The following ZNF331 variants were observed in gnomAD, a reference collection of about 807,000 sequenced individuals.
The protein encoded by ZNF331 is zinc finger protein 331.
Under a neutral mutation model 7.0 loss-of-function variants are expected in ZNF331, and 2 were observed. That is an observed-to-expected ratio of 0.29 (90% CI 0.12 to 0.90). The LOEUF (loss-of-function observed/expected upper bound fraction) is 0.90. Ranked by LOEUF, ZNF331 falls within the 40% of genes least tolerant of loss-of-function variation. The probability of loss-of-function intolerance (pLI) is 0.58; values close to 1 mark genes in which losing one functional copy is unlikely to be tolerated. For synonymous variants in ZNF331, 196 were observed against 205.4 expected, an observed-to-expected ratio of 0.95 and a Z score of 0.39; for missense variants, 432 against 587.7, an observed-to-expected ratio of 0.74 and a Z score of 2.74.
rs370976576 is a variant in ZNF331 at position 53,552,862 on chromosome 19, C to A, written c.-137-2983C>A. On this transcript the variant is annotated intron_variant, in intron 2 of 5. Coordinates refer to ENST00000449416, the MANE Select transcript of ZNF331 (RefSeq NM_001079906.2). ...CATATTGCCGTATGTATTAGATATT[C>A]TGATATTTAATAGCTGAGACAGTCA... Among the ~76,000 whole-genome samples, 26 of 152,160 alleles carry A rather than the reference C, an allele frequency of 1.7e-4. 1 individual carries two copies. The South Asian group carries it at 5.2e-3, about 30-fold the overall frequency.
chr19:53,516,342 C>G (rs905472657), upstream of ZNF331, among the ~76,000 whole-genome samples: 1 of 151,298 alleles, frequency 6.6e-6, no homozygotes, highest in African/African-American at 2.4e-5. Flanking sequence ...CCCAGCTACT[C>G]AGGAGGCTGA....
chr19:53,509,912 C>T, the ZNF331 span, among the ~76,000 whole-genome samples: 1 of 152,118 alleles, frequency 6.6e-6, no homozygotes, highest in African/African-American at 2.4e-5. Flanking sequence ...TATGTCTTAC[C>T]ATTGTGAAAA....
chr19:53,519,474 G>A (rs1034652911), upstream of ZNF331, among the ~76,000 whole-genome samples: 4 of 152,170 alleles, frequency 2.6e-5, no homozygotes, highest in African/African-American at 9.7e-5. Context: ...GTCCTACTGG[G>A]CAAAGGCCCA....
chr19:53,572,044 C>G (rs113829560), intron 5 of ZNF331, among the ~76,000 whole-genome samples: 7 of 152,084 alleles, frequency 4.6e-5, no homozygotes, highest in African/African-American at 1.7e-4. Context: ...ATGTTTATAC[C>G]CAAATTGCTA....
In ZNF331 at chr19:53,573,204, G is replaced by A. The variant is rs1281308308; in HGVS notation, c.136+1474G>A. Reference sequence around the variant, plus strand: ...ACTGTGCTGCAGCCTGGGCAACAAAGCGAGACTCTGTCTCAAAAATAATAA... The same window carrying A: ...ACTGTGCTGCAGCCTGGGCAACAAAACGAGACTCTGTCTCAAAAATAATAA... On this transcript the variant is annotated intron_variant, in intron 5 of 5. Coordinates refer to ENST00000449416, the MANE Select transcript of ZNF331 (RefSeq NM_001079906.2). This position sits in a 1 kb window ranked among gnomAD's most constrained non-coding sequence, Gnocchi z 4.2. 2.6e-5 allele frequency among the ~76,000 whole-genome samples: 4 copies of A among 152,040 alleles called. No homozygotes were observed. Among genetic ancestry groups the A allele is most frequent in the Non-Finnish European group, 5.9e-5 (4 of 68,010 alleles).
At chr19:53,553,292 C>CAAAAATAAAAAAAAAAAAA (rs2089132333) in intron 2 of ZNF331, among the ~76,000 whole-genome samples, 1 of 98,362 alleles carries the variant, frequency 1.0e-5, no homozygotes. Flanking sequence ...AACTCCATCT[C>CAAAAATAAAAAAAAAAAAA]AAAAAAAAAA....
chr19:53,556,366 A>G (rs141465613), intron 3 of ZNF331, among the ~76,000 whole-genome samples: 140 of 152,014 alleles, frequency 9.2e-4, no homozygotes, highest in Non-Finnish European at 9.7e-4. Context: ...TTAAGCACAT[A>G]TTCTCTGTAC....
At chr19:53,511,561 AAAAG>A in the ZNF331 span, among the ~76,000 whole-genome samples, 2 of 152,136 alleles carry the variant, frequency 1.3e-5, no homozygotes, top group South Asian at 4.1e-4. Flanking sequence ...GTTTAGATAT[AAAAG>A]AAAGAAAAAT....
the ZNF331 span, among the ~76,000 whole-genome samples, chr19:53,512,862 G>C: frequency 2.0e-5 from 3 of 150,002 alleles, no homozygotes; most frequent in Non-Finnish European, 4.5e-5. Context: ...ATCTCAGGTG[G>C]AACAGTTTAA....
chr19:53,506,537 A>T, the ZNF331 span, among the ~76,000 whole-genome samples: 6 of 133,714 alleles, frequency 4.5e-5, no homozygotes, highest in African/African-American at 1.4e-4. Context: ...ACACACTCCT[A>T]TCCTAGCTTC....
intron 2 of ZNF331, among the ~76,000 whole-genome samples, chr19:53,541,349 G>A (rs1464749193): frequency 1.3e-5 from 2 of 152,194 alleles, no homozygotes; most frequent in Non-Finnish European, 2.9e-5. Context: ...CAGGTGCTCT[G>A]CCTGCCTCGG....
upstream of ZNF331, among the ~76,000 whole-genome samples, chr19:53,518,815 C>G (rs1244148449): frequency 6.6e-6 from 1 of 152,226 alleles, no homozygotes; most frequent in Non-Finnish European, 1.5e-5. Flanking sequence ...GTCTTTGAGG[C>G]TTCAGCAGCA....
At chr19:53,524,128 G>T (rs1363430251) in intron 2 of ZNF331, among the ~76,000 whole-genome samples, 2 of 152,216 alleles carry the variant, frequency 1.3e-5, no homozygotes, top group African/African-American at 4.8e-5. Context: ...AATCCATGGT[G>T]TATATGTGCC....
chr19:53,506,512 C>G, the ZNF331 span, among the ~76,000 whole-genome samples: 3 of 147,674 alleles, frequency 2.0e-5, no homozygotes, highest in Non-Finnish European at 1.5e-5. Context: ...CTCTCTGTCT[C>G]TCTCTCTCTC....
chr19:53,551,198 G>A (rs1292125485), intron 2 of ZNF331, among the ~76,000 whole-genome samples: 1 of 151,926 alleles, frequency 6.6e-6, no homozygotes, highest in East Asian at 1.9e-4. Context: ...CAGGCCAACT[G>A]CAAAAAAATT....
chr19:53,526,422 T>A (rs2087295019), intron 2 of ZNF331, among the ~76,000 whole-genome samples: 1 of 152,226 alleles, frequency 6.6e-6, no homozygotes, highest in Admixed American at 6.5e-5. Context: ...ATTTATTGCT[T>A]ATTCAACCTC....
chr19:53,549,848 A>C (rs1431300351), intron 2 of ZNF331, among the ~76,000 whole-genome samples: 1 of 150,462 alleles, frequency 6.6e-6, no homozygotes, highest in African/African-American at 2.5e-5. Flanking sequence ...TTTGTTTGAG[A>C]TCTTCCTTCT....
In ZNF331 at chr19:53,576,822, A is replaced by G. The variant is rs752695555; in HGVS notation, c.262A>G (p.Thr88Ala). The G allele has an allele frequency of 1.9e-6, 3 of 1,614,184 alleles. No individual in the cohort carries two copies. In the South Asian group the frequency reaches 3.3e-5, roughly 18 times the overall value. ...TGGCCGTAACTGGATATGTGAAGGT[A>G]CGCTTGAAAGACCACAGCGCTCCAG... The part of the protein sequence containing the change: ...SLGRNWICEG[T>A]LERPQRSRGR... Residue 88 changes from threonine (T) to alanine (A), a missense_variant, in exon 6 of 6, where the codon ACG (threonine) becomes GCG (alanine). Coordinates refer to ENST00000449416, the MANE Select transcript of ZNF331 (RefSeq NM_001079906.2).
chr19:53,578,255 G>A lies in ZNF331; in HGVS notation c.*303G>A, dbSNP rs935818168. 1.4e-5 allele frequency: 5 copies of A among 352,902 alleles called. No individual in the cohort carries two copies. Among genetic ancestry groups the A allele is most frequent in the Middle Eastern group, 8.1e-4 (1 of 1,228 alleles). The allele number at this position is 352,902 out of a possible 1,614,324, so 21.9% of individuals were successfully genotyped here. A position where few individuals can be genotyped will look rare whatever the true frequency, so the allele number is the denominator to read the frequency against. ...CAACTATCCCAGCATCACAGTGCCT[G>A]TGCCCAAGCAGTCCTCACTTTGCTT... On this transcript the variant is annotated 3_prime_UTR_variant, in exon 6 of 6. Transcript: ENST00000449416.
Sources: gnomAD v4.1 joint callset for allele counts (sites outside exome capture counted in the v4.1 genomes callset) on GRCh38, gnomAD v4.1.1 for gene constraint, Gnocchi (gnomAD v3.1) non-coding constraint, MANE v1.5 for transcripts, NCBI Gene and HGNC (gene_info 2026-07-23, HGNC 2026-07-21) for gene names.